The following ZFHX3 variants were observed in gnomAD, a reference collection of about 807,000 sequenced individuals.
ZFHX3 encodes the protein zinc finger homeobox 3, also known as zinc finger homeobox protein 3.
In ZFHX3, 42 loss-of-function variants were observed where a neutral mutation model predicts 279.1. The ratio of observed to expected loss-of-function variants is 0.15; its 90% CI spans 0.12 to 0.19. ZFHX3 has a LOEUF of 0.19. Among genes scored for constraint, ZFHX3 ranks in the 10% least tolerant of loss-of-function variants. ZFHX3 has a pLI of 1.00. For missense variants in ZFHX3, 4,981 were observed against 4,754.0 expected, an observed-to-expected ratio of 1.05 and a Z score of -1.40; for synonymous variants, 2,293 against 1,957.8, an observed-to-expected ratio of 1.17 and a Z score of -4.52.
chr16:73,537,173 G>A (rs2019916953), intron 2 of ZFHX3, among the ~76,000 whole-genome samples: 2 of 152,234 alleles, frequency 1.3e-5, no homozygotes, highest in Non-Finnish European at 2.9e-5. Context: ...TTGGGCTGAT[G>A]CTTATCTTTA....
intron 2 of ZFHX3, among the ~76,000 whole-genome samples, chr16:73,512,065 G>T (rs72801425): frequency 0.048 from 7,369 of 152,054 alleles, 238 homozygotes; most frequent in Non-Finnish European, 0.071. Context: ...ATAAGTGTCT[G>T]CCCTGGGAAT....
At chr16:73,441,127 A>C (rs556264731) in intron 3 of ZFHX3, among the ~76,000 whole-genome samples, 1 of 152,220 alleles carries the variant, frequency 6.6e-6, no homozygotes, top group East Asian at 1.9e-4. Context: ...TAATTTACTA[A>C]ATGGTACCCC....
intron 2 of ZFHX3, among the ~76,000 whole-genome samples, chr16:73,593,682 GTGAGCATCTGCAGATTTTGGT>G (rs775226888): frequency 3.1e-4 from 47 of 152,122 alleles, no homozygotes; most frequent in Non-Finnish European, 5.9e-4. Flanking sequence ...TATAAAGACT[GTGAGCATCTGCAGATTTTGGT>G]ATCTGCAGGG....
intron 1 of ZFHX3, among the ~76,000 whole-genome samples, chr16:73,781,594 G>T (rs567366244): frequency 1.8e-4 from 28 of 152,126 alleles, no homozygotes; most frequent in Non-Finnish European, 3.4e-4. Flanking sequence ...TTTACTACTG[G>T]GTCCTTTACA....
intron 3 of ZFHX3, among the ~76,000 whole-genome samples, chr16:73,342,387 G>A (rs933520696): frequency 2.6e-5 from 4 of 152,188 alleles, no homozygotes; most frequent in African/African-American, 7.2e-5. Context: ...ACATACTGAA[G>A]CATGGTTCAC....
At chr16:73,081,211 C>T (rs1193651447) in intron 8 of ZFHX3, 2 of 152,042 alleles carry the variant, frequency 1.3e-5, no homozygotes, top group Admixed American at 6.6e-5. Context: ...CATCTTTCAT[C>T]TTCTTTTCCA....
rs932860914 is a variant in ZFHX3 at position 73,688,378 on chromosome 16, G to T, written c.-1607-8138C>A. Among the ~76,000 whole-genome samples the T allele has an allele frequency of 3.1e-4, 40 of 130,088 alleles. No homozygotes were observed. The South Asian group carries it at 9.9e-3, about 32-fold the overall frequency. 85.3% of individuals were successfully genotyped at this position (130,088 alleles called of 152,430 possible). A position where few individuals can be genotyped will look rare whatever the true frequency, so the allele number is the denominator to read the frequency against. On this transcript the variant is annotated intron_variant, in intron 1 of 17. Coordinates refer to the ZFHX3 transcript ENST00000641206. ...TCTCAAAAAAAAAAAAAAAAAAATTGTATCTTGAAATTTAATCCCCATGCA... is the reference window on the plus strand; with the variant it reads ...TCTCAAAAAAAAAAAAAAAAAAATTTTATCTTGAAATTTAATCCCCATGCA...
intron 4 of ZFHX3, among the ~76,000 whole-genome samples, chr16:72,867,694 G>A (rs1013766717): frequency 6.8e-6 from 1 of 146,910 alleles, no homozygotes; most frequent in Non-Finnish European, 1.5e-5. Context: ...GAAAAGTAGC[G>A]AACCCCCAGA....
chr16:73,093,209 G>T lies in ZFHX3; in HGVS notation c.-533+26C>A, dbSNP rs527368923. 4 of 519,856 alleles carry T rather than the reference G, an allele frequency of 7.7e-6. No individual in the cohort carries two copies. In the Admixed American group the frequency reaches 7.8e-5, roughly 10 times the overall value. 32.2% of individuals were successfully genotyped at this position (519,856 alleles called of 1,614,324 possible). A position where few individuals can be genotyped will look rare whatever the true frequency, so the allele number is the denominator to read the frequency against. On this transcript the variant is annotated intron_variant, in intron 8 of 17. Transcript: ENST00000641206. ...AACTCTGGACGACCACGCGCATGCA[G>T]AGGTAAGGGAATGATCCGGTCCTAC...
intron 1 of ZFHX3, among the ~76,000 whole-genome samples, chr16:73,794,630 T>C (rs1243322667): frequency 6.6e-6 from 1 of 151,892 alleles, no homozygotes; most frequent in Non-Finnish European, 1.5e-5. Flanking sequence ...CCTGTAAGAG[T>C]AGACAGTGCA....
chr16:73,817,707 T>C (rs1261843538), intron 1 of ZFHX3, among the ~76,000 whole-genome samples: 4 of 152,226 alleles, frequency 2.6e-5, no homozygotes, highest in Admixed American at 2.0e-4. Context: ...GCATTCCTGT[T>C]GCAGAGTGCT....
chr16:73,686,507 T>C (rs2053085689), intron 1 of ZFHX3, among the ~76,000 whole-genome samples: 2 of 152,202 alleles, frequency 1.3e-5, no homozygotes, highest in South Asian at 2.1e-4. Flanking sequence ...AAAACTCAAC[T>C]GACCCTTCGG....
intron 3 of ZFHX3, among the ~76,000 whole-genome samples, chr16:73,415,598 G>A (rs990515914): frequency 2.0e-5 from 3 of 152,144 alleles, no homozygotes; most frequent in African/African-American, 4.8e-5. Flanking sequence ...GTATTTCTCC[G>A]TGTGGAAAGT....
chr16:73,287,446 T>TGG, intron 4 of ZFHX3, among the ~76,000 whole-genome samples: 1 of 125,714 alleles, frequency 8.0e-6, no homozygotes, highest in Non-Finnish European at 1.7e-5. Context: ...AGTGTGTGGG[T>TGG]GGTGGGTGTG....
intron 3 of ZFHX3, among the ~76,000 whole-genome samples, chr16:72,917,529 C>A (rs866633722): frequency 5.3e-5 from 8 of 152,192 alleles, no homozygotes; most frequent in Admixed American, 1.3e-4. Flanking sequence ...AATTGCAGCA[C>A]CTTCATACCA....
intron 2 of ZFHX3, among the ~76,000 whole-genome samples, chr16:73,590,627 T>C (rs763816301): frequency 1.1e-4 from 16 of 152,176 alleles, no homozygotes; most frequent in Non-Finnish European, 1.9e-4. Context: ...ATTTTGAAAA[T>C]TGGTAAATGA....
intron 3 of ZFHX3, among the ~76,000 whole-genome samples, chr16:73,438,561 A>G (rs902769467): frequency 1.3e-5 from 2 of 152,240 alleles, no homozygotes; most frequent in Non-Finnish European, 2.9e-5. Context: ...AGGGAAAAAC[A>G]ATAAACATCA....
intron 3 of ZFHX3, among the ~76,000 whole-genome samples, chr16:73,449,989 G>T (rs556653703): frequency 3.5e-4 from 53 of 152,160 alleles, no homozygotes; most frequent in African/African-American, 1.2e-3. Context: ...CAATACTTCT[G>T]ATATTTGTCA....
intron 7 of ZFHX3, among the ~76,000 whole-genome samples, chr16:73,106,425 C>T (rs8061978): frequency 0.24 from 36,648 of 151,748 alleles, 4,866 homozygotes; most frequent in Middle Eastern, 0.31. Context: ...TTACACAAGA[C>T]GGAAGATGTA....
Sources: gnomAD v4.1 joint callset for allele counts (sites outside exome capture counted in the v4.1 genomes callset) on GRCh38, gnomAD v4.1.1 for gene constraint, MANE v1.5 for transcripts, NCBI Gene and HGNC (gene_info 2026-07-23, HGNC 2026-07-21) for gene names.